NIPAL3: variants seen among roughly 807,000 people sequenced by gnomAD.
NIPAL3 encodes NIPA-like protein 3.
In NIPAL3, 41 loss-of-function variants were observed where a neutral mutation model predicts 47.2. That is an observed-to-expected ratio of 0.87 (90% CI 0.68 to 1.13). The LOEUF is 1.13. Among genes scored for constraint, NIPAL3 ranks in the 50% most tolerant of loss-of-function variants. The pLI, the probability that NIPAL3 is intolerant of heterozygous loss-of-function variation, is 0.00. For synonymous variants in NIPAL3, 194 were observed against 209.6 expected (o/e 0.93, Z 0.64); for missense variants, 449 against 530.1 (o/e 0.85, Z 1.50).
At chr1:24,433,309 T>TA (rs1644959129) in intron 2 of NIPAL3, 2 of 152,230 alleles carry the variant, frequency 1.3e-5, no homozygotes, top group Non-Finnish European at 2.9e-5. Context: ...GATGTCCTCT[T>TA]AGTTTCCACA....
At chr1:24,415,926 GAGGA>G in intron 1 of NIPAL3, 22 bp downstream of exon 1, 1 of 983,906 alleles carries the variant, frequency 1.0e-6, no homozygotes, top group Non-Finnish European at 1.2e-6. Flanking sequence ...TTAACACCGG[GAGGA>G]AGGGGAATTG....
At chr1:24,422,891 G>A (rs1028226220) in intron 2 of NIPAL3, among the ~76,000 whole-genome samples, 1 of 152,140 alleles carries the variant, frequency 6.6e-6, no homozygotes, top group African/African-American at 2.4e-5. Context: ...ATTGACATAT[G>A]GTATGCATAC....
At chr1:24,448,469 A>C (rs1365037044) in intron 5 of NIPAL3, among the ~76,000 whole-genome samples, 4 of 152,340 alleles carry the variant, frequency 2.6e-5, no homozygotes, top group African/African-American at 9.6e-5. Context: ...CGTTAGGTTA[A>C]ATAGCCAGTT....
At chr1:24,448,665 A>G (rs1281448726) in intron 5 of NIPAL3, among the ~76,000 whole-genome samples, 1 of 152,074 alleles carries the variant, frequency 6.6e-6, no homozygotes. Context: ...ACAAAATGTA[A>G]GTGTTGACAA....
intron 2 of NIPAL3, among the ~76,000 whole-genome samples, chr1:24,435,424 G>T (rs1017341114): frequency 6.6e-5 from 10 of 152,150 alleles, no homozygotes; most frequent in African/African-American, 2.4e-4. Flanking sequence ...ATTTTGTAGT[G>T]TACCATTTTA....
rs1644210036 is a variant in NIPAL3 at position 24,419,439 on chromosome 1, G to C, written c.-109G>C. 2 of 1,379,896 alleles carry C rather than the reference G, an allele frequency of 1.4e-6. No individual in the cohort carries two copies. The highest frequency in any genetic ancestry group is 1.9e-6 in the Non-Finnish European group (2 of 1,062,920). The allele number at this position is 1,379,896 out of a possible 1,614,324, so 85.5% of individuals were successfully genotyped here. A position where few individuals can be genotyped will look rare whatever the true frequency, so the allele number is the denominator to read the frequency against. ...CTTTTGTCATGAGGAAGTGACGGCT[G>C]CTGGAGGGAGGTGAACACCACAAGG... On this transcript the variant is annotated 5_prime_UTR_variant, in exon 2 of 12. Transcript: ENST00000374399.
Position 24,451,929 on chromosome 1 carries a change from C to T in NIPAL3, c.541-1479C>T, listed in dbSNP as rs1332346311. 6.6e-6 allele frequency among the ~76,000 whole-genome samples: 1 copy of T among 152,084 alleles called. No homozygotes were observed. The highest frequency in any genetic ancestry group is 1.5e-5 in the Non-Finnish European group (1 of 68,012). ...TCGTGCATTGACTATAATGACAACT[C>T]GTTAAAATATGGATTCACTGGAACA... On this transcript the variant is annotated intron_variant, in intron 6 of 11. Coordinates refer to ENST00000374399, the MANE Select transcript of NIPAL3 (RefSeq NM_020448.5). This position sits in a 1 kb window ranked among gnomAD's most constrained non-coding sequence, Gnocchi z 4.5.
chr1:24,450,463 A>AG lies in NIPAL3; in HGVS notation c.540+838dup, dbSNP rs1327425593. On this transcript the variant is annotated intron_variant, in intron 6 of 11. Coordinates refer to ENST00000374399, the MANE Select transcript of NIPAL3 (RefSeq NM_020448.5). ...TCTCCTAACCCCTCCGCCAGAGCTC[A>AG]GTCCTCTGCCCCAGTTCTATCCCAT... 5.8e-4 allele frequency among the ~76,000 whole-genome samples: 89 copies of AG among 152,332 alleles called. No homozygotes were observed. In the East Asian group the frequency reaches 0.016, roughly 27 times the overall value.
At chr1:24,441,687 A>G (rs758969573) in intron 3 of NIPAL3, among the ~76,000 whole-genome samples, 2 of 152,160 alleles carry the variant, frequency 1.3e-5, no homozygotes, top group Non-Finnish European at 2.9e-5. Flanking sequence ...GGGCCAGGCC[A>G]AGTGGGATCT....
Position 24,460,563 on chromosome 1 carries a change from G to A in NIPAL3, c.926+19G>A, listed in dbSNP as rs369942307. The stretch of plus-strand genomic sequence containing the variant: ...CACTGGGGTGAGTTCTGTCCTGCTT[G>A]CCAGCCCCAAAACATTGTGTGTAGA... On this transcript the variant is annotated intron_variant, in intron 10 of 11. Coordinates refer to ENST00000374399, the MANE Select transcript of NIPAL3 (RefSeq NM_020448.5). 15 of 1,544,460 alleles carry A rather than the reference G, an allele frequency of 9.7e-6. No individual in the cohort carries two copies. Among genetic ancestry groups the A allele is most frequent in the Non-Finnish European group, 1.0e-5 (12 of 1,153,710 alleles).
At chr1:24,437,008 T>C (rs1645145692) in intron 2 of NIPAL3, among the ~76,000 whole-genome samples, 1 of 151,984 alleles carries the variant, frequency 6.6e-6, no homozygotes, top group African/African-American at 2.4e-5. Context: ...TCCCAGCACT[T>C]TGGGAGGCCG....
chr1:24,464,244 TTTTTC>T (rs1009045836), intron 11 of NIPAL3, 124 bp downstream of exon 11: 9 of 703,916 alleles, frequency 1.3e-5, no homozygotes, highest in African/African-American at 1.8e-5. Flanking sequence ...CTCACTGTCT[TTTTTC>T]TTTTCTTTTT....
intron 10 of NIPAL3, among the ~76,000 whole-genome samples, chr1:24,463,821 CCA>C (rs1327535854): frequency 3.9e-5 from 6 of 151,988 alleles, no homozygotes; most frequent in Non-Finnish European, 7.4e-5. Context: ...GCATGTGAGG[CCA>C]CTCCAGCTAT....
intron 5 of NIPAL3, among the ~76,000 whole-genome samples, chr1:24,447,757 C>T (rs564480530): frequency 3.3e-5 from 5 of 152,324 alleles, no homozygotes; most frequent in South Asian, 4.1e-4. Context: ...CTAGTCCAAG[C>T]AGTGCCCTGT....
Position 24,449,485 on chromosome 1 carries a change from C to T in NIPAL3, c.399C>T (p.Arg133=), listed in dbSNP as rs751879518. 13 of 1,613,320 alleles carry T rather than the reference C, an allele frequency of 8.1e-6. No individual in the cohort carries two copies. The South Asian group carries it at 1.3e-4, about 16-fold the overall frequency. Residue 133 remains arginine (R), a synonymous_variant, in exon 6 of 12, where the codon CGC becomes CGT. Transcript: ENST00000374399. The surrounding 1 kb of genome is among the most constrained non-coding windows in gnomAD (Gnocchi z 4.5). ...EKWKPKDFLR[R]YVLSFVGCGL... The stretch of plus-strand genomic sequence containing the variant: ...GACAGCCTCTCTTCCCCGCAGGGCG[C>T]TACGTCTTGTCCTTTGTTGGCTGCG...
At chr1:24,445,275 AT>A in intron 5 of NIPAL3, 31 bp downstream of exon 5, 1 of 1,482,558 alleles carries the variant, frequency 6.7e-7, no homozygotes, top group Non-Finnish European at 9.4e-7. Flanking sequence ...TGTGTCCTTG[AT>A]TTTATATGAA....
At chr1:24,423,445 G>A (rs56199341) in intron 2 of NIPAL3, among the ~76,000 whole-genome samples, 7,115 of 152,194 alleles carry the variant, frequency 0.047, 538 homozygotes, top group African/African-American at 0.16. Context: ...TCGAGACCAC[G>A]GTGAAACCCC....
intron 2 of NIPAL3, among the ~76,000 whole-genome samples, chr1:24,428,250 CAAAA>C (rs1343199329): frequency 3.0e-5 from 2 of 67,782 alleles, no homozygotes; most frequent in Admixed American, 1.9e-4. Context: ...GACCCTGTCT[CAAAA>C]AGAAAGAGAG....
intron 5 of NIPAL3, among the ~76,000 whole-genome samples, chr1:24,448,338 G>A (rs1250122309): frequency 6.6e-6 from 1 of 152,160 alleles, no homozygotes. Context: ...TTCAATAGGA[G>A]TGTGACAAGA....
Sources: allele counts gnomAD v4.1 joint callset (sites outside exome capture counted in the v4.1 genomes callset), GRCh38; gene constraint gnomAD v4.1.1; non-coding constraint Gnocchi (gnomAD v3.1); transcripts MANE v1.5; gene names NCBI Gene and HGNC (gene_info 2026-07-23, HGNC 2026-07-21).